SLC35F3: variants seen among roughly 807,000 people sequenced by gnomAD.
The protein encoded by SLC35F3 is solute carrier family 35 member F3, also known as putative thiamine transporter SLC35F3.
Under a neutral mutation model 49.9 loss-of-function variants are expected in SLC35F3, and 25 were observed. That is an observed-to-expected ratio of 0.50 (90% CI 0.37 to 0.70). SLC35F3 has a LOEUF of 0.70. Among genes scored for constraint, SLC35F3 ranks in the 30% least tolerant of loss-of-function variants. SLC35F3 has a pLI of 0.00. For missense variants in SLC35F3, 525 were observed against 639.8 expected, an observed-to-expected ratio of 0.82 and a Z score of 1.94; for synonymous variants, 275 against 265.4, an observed-to-expected ratio of 1.04 and a Z score of -0.35.
At chr1:234,167,915 T>C (rs539507380) in intron 2 of SLC35F3, among the ~76,000 whole-genome samples, 1 of 152,346 alleles carries the variant, frequency 6.6e-6, no homozygotes, top group African/African-American at 2.4e-5. Context: ...CTTTCTGGAA[T>C]AAGCGAGATT....
intron 2 of SLC35F3, among the ~76,000 whole-genome samples, chr1:233,995,753 T>G (rs1252005434): frequency 6.6e-6 from 1 of 152,126 alleles, no homozygotes; most frequent in Non-Finnish European, 1.5e-5. Context: ...TGTTACAAGT[T>G]CAGCAGCCTT....
intron 2 of SLC35F3, among the ~76,000 whole-genome samples, chr1:234,009,792 T>C (rs556110363): frequency 6.6e-6 from 1 of 152,300 alleles, no homozygotes; most frequent in East Asian, 1.9e-4. Flanking sequence ...CCAATATGAC[T>C]ATCAGCAGAT....
chr1:234,137,348 A>G (rs1039513859), intron 2 of SLC35F3, among the ~76,000 whole-genome samples: 11 of 152,322 alleles, frequency 7.2e-5, no homozygotes, highest in Admixed American at 1.3e-4. Flanking sequence ...CTGAGAGGCA[A>G]AGTGGTCAGG....
chr1:233,924,727 G>A (rs1662128604), intron 2 of SLC35F3, among the ~76,000 whole-genome samples: 1 of 152,042 alleles, frequency 6.6e-6, no homozygotes, highest in Admixed American at 6.6e-5. Flanking sequence ...GTGATGTTAT[G>A]GTGTCAATTT....
At position 234,146,703 on chromosome 1, in the gene SLC35F3, G is replaced by A. The variant is rs559004871; in HGVS notation, c.284-84714G>A. Among the ~76,000 whole-genome samples, 25 of 151,734 alleles carry A rather than the reference G, an allele frequency of 1.6e-4. No homozygotes were observed. In the South Asian group the frequency reaches 1.7e-3, roughly 10 times the overall value. On this transcript the variant is annotated intron_variant, in intron 2 of 7. Coordinates refer to ENST00000366618, the MANE Select transcript of SLC35F3 (RefSeq NM_173508.4). ...CTAATTTTGTATTTTTAGTAGAGAC[G>A]GGGTTTCTCCATGTTTGTCAGGCTG... is the stretch of plus-strand genomic sequence containing the variant.
intron 2 of SLC35F3, among the ~76,000 whole-genome samples, chr1:234,086,116 G>A (rs992264737): frequency 2.0e-5 from 3 of 152,320 alleles, no homozygotes; most frequent in Middle Eastern, 3.4e-3. Context: ...AGAAATGAGT[G>A]AATGAATGTA....
chr1:234,043,811 T>C (rs1664255214), intron 2 of SLC35F3, among the ~76,000 whole-genome samples: 1 of 152,246 alleles, frequency 6.6e-6, no homozygotes, highest in African/African-American at 2.4e-5. Context: ...TGAAATTTGC[T>C]TTATTTACTC....
chr1:234,006,521 C>T (rs1305875260), intron 2 of SLC35F3, among the ~76,000 whole-genome samples: 4 of 152,206 alleles, frequency 2.6e-5, no homozygotes, highest in Non-Finnish European at 5.9e-5. Context: ...ATAGAATTCT[C>T]ACTGCCACTA....
At chr1:233,922,853 G>A (rs951652173) in intron 2 of SLC35F3, among the ~76,000 whole-genome samples, 3 of 152,138 alleles carry the variant, frequency 2.0e-5, no homozygotes, top group Admixed American at 2.0e-4. Context: ...TCCAGTTTCA[G>A]CTTTCTACAT....
intron 2 of SLC35F3, among the ~76,000 whole-genome samples, chr1:234,088,267 G>T (rs970183608): frequency 2.0e-5 from 3 of 152,190 alleles, no homozygotes. Context: ...CAGTACAGTG[G>T]CGCGATCTCG....
At chr1:234,008,521 A>G (rs548811159) in intron 2 of SLC35F3, among the ~76,000 whole-genome samples, 1 of 152,258 alleles carries the variant, frequency 6.6e-6, no homozygotes, top group African/African-American at 2.4e-5. Flanking sequence ...GAAGACTGCT[A>G]TACAGTCTCC....
At position 234,150,444 on chromosome 1, in the gene SLC35F3, G is replaced by C. The variant is rs571221813; in HGVS notation, c.284-80973G>C. Among the ~76,000 whole-genome samples the C allele has an allele frequency of 4.1e-4, 62 of 152,272 alleles. 1 individual carries two copies. The highest frequency in any genetic ancestry group is 1.5e-3 in the African/African-American group (61 of 41,532). On this transcript the variant is annotated intron_variant, in intron 2 of 7. Transcript: ENST00000366618. ...TTATACATTTTTGTCAGGTCTGTGT[G>C]TCTGTACCTTTTCTAATTCTGTGCT...
intron 2 of SLC35F3, among the ~76,000 whole-genome samples, chr1:234,102,146 T>C (rs1156857483): frequency 6.6e-6 from 1 of 152,196 alleles, no homozygotes; most frequent in Non-Finnish European, 1.5e-5. Context: ...CCCCTTTCCA[T>C]GTGGAGAAAA....
At position 234,320,399 on chromosome 1, in the gene SLC35F3, C is replaced by CG. The variant is rs142984871; in HGVS notation, c.1237+212_1237+213insG. Among the ~76,000 whole-genome samples the CG allele has an allele frequency of 0.016, 2,315 of 147,990 alleles. 112 individuals are homozygous for CG. The highest frequency in any genetic ancestry group is 0.1 in the East Asian group (532 of 5,080). On this transcript the variant is annotated intron_variant, in intron 7 of 7. Coordinates refer to ENST00000366618, the MANE Select transcript of SLC35F3 (RefSeq NM_173508.4). The surrounding 1 kb of genome is among the most constrained non-coding windows in gnomAD (Gnocchi z 4.8). ...ATAGAATGCGTGTTTAACTGTCTGC[C>CG]AAAAAAAAAGCATTTAGGTGAAATG...
chr1:234,274,758 C>G (rs1668172019), intron 3 of SLC35F3, among the ~76,000 whole-genome samples: 1 of 152,216 alleles, frequency 6.6e-6, no homozygotes, highest in Admixed American at 6.5e-5. Context: ...CCTTGTCTAT[C>G]TAGTCCTCAC....
chr1:234,239,533 T>C (rs1667522061), intron 3 of SLC35F3, among the ~76,000 whole-genome samples: 1 of 152,218 alleles, frequency 6.6e-6, no homozygotes, highest in Non-Finnish European at 1.5e-5. Flanking sequence ...CTTTGAGGAT[T>C]CTCTGATCCA....
intron 2 of SLC35F3, among the ~76,000 whole-genome samples, chr1:233,934,554 T>A (rs1422062110): frequency 6.6e-6 from 1 of 152,216 alleles, no homozygotes; most frequent in Non-Finnish European, 1.5e-5. Flanking sequence ...TTTAATGAGC[T>A]GTCTTAAAAA....
rs10645395 is a variant in SLC35F3 at position 234,068,823 on chromosome 1, T to TTATATATATATATATA, written c.284-162576_284-162561dup. ...GAGTGACAGGATAAGATTTGAGACA[T>TTATATATATATATATA]TATATATATATATATATATATATAT... On this transcript the variant is annotated intron_variant, in intron 2 of 7. Coordinates refer to ENST00000366618, the MANE Select transcript of SLC35F3 (RefSeq NM_173508.4). Among the ~76,000 whole-genome samples the TTATATATATATATATA allele has an allele frequency of 2.8e-3, 196 of 71,142 alleles. 33 individuals are homozygous for TTATATATATATATATA. The highest frequency in any genetic ancestry group is 7.4e-3 in the South Asian group (14 of 1,884). The allele number at this position is 71,142 out of a possible 152,430, so 46.7% of individuals were successfully genotyped here.
chr1:234,306,286 G>A (rs505969), intron 3 of SLC35F3, among the ~76,000 whole-genome samples: 6,949 of 152,036 alleles, frequency 0.046, 500 homozygotes, highest in African/African-American at 0.16. Context: ...TCAGGCTCCC[G>A]AGTAGCTGGG....
Sources: gnomAD v4.1 joint callset for allele counts (sites outside exome capture counted in the v4.1 genomes callset) on GRCh38, gnomAD v4.1.1 for gene constraint, Gnocchi (gnomAD v3.1) non-coding constraint, MANE v1.5 for transcripts, NCBI Gene and HGNC (gene_info 2026-07-23, HGNC 2026-07-21) for gene names.